SLC7A6: variants seen among roughly 807,000 people sequenced by gnomAD.
The protein encoded by SLC7A6 is Y+L amino acid transporter 2.
A neutral mutation model predicts 46.6 loss-of-function variants in SLC7A6; 29 were observed. The observed-to-expected ratio is 0.62, with a 90% CI of 0.46 to 0.85. The LOEUF (loss-of-function observed/expected upper bound fraction) is 0.85, where lower values mean the gene tolerates loss of function less well. Among genes scored for constraint, SLC7A6 ranks in the 40% least tolerant of loss-of-function variants. The probability of loss-of-function intolerance (pLI) is 0.00; values close to 1 mark genes in which losing one functional copy is unlikely to be tolerated. For missense variants in SLC7A6, 527 were observed against 647.6 expected, an observed-to-expected ratio of 0.81 and a Z score of 2.02; for synonymous variants, 276 against 257.3, an observed-to-expected ratio of 1.07 and a Z score of -0.70.
At chr16:68,287,486 G>A in intron 3 of SLC7A6, 1 of 1,375,694 alleles carries the variant, frequency 7.3e-7, no homozygotes, top group Non-Finnish European at 9.6e-7. Flanking sequence ...CAGAAATGGT[G>A]CTAGCCATCA....
intron 2 of SLC7A6, among the ~76,000 whole-genome samples, chr16:68,273,542 C>G (rs2042657123): frequency 6.6e-6 from 1 of 152,066 alleles, no homozygotes; most frequent in Non-Finnish European, 1.5e-5. Context: ...CTGGGTCCTT[C>G]ATAGGTAGGT....
chr16:68,294,833 G>A (rs113380153), intron 8 of SLC7A6, 32 bp downstream of exon 8: 1 of 1,461,402 alleles, frequency 6.8e-7, no homozygotes, highest in Non-Finnish European at 9.6e-7. Flanking sequence ...GGGCTCAGGT[G>A]GATCTGTGCA....
chr16:68,297,168 C>T, intron 10 of SLC7A6, 66 bp from the exon 11 acceptor site: 1 of 1,478,574 alleles, frequency 6.8e-7, no homozygotes, highest in African/African-American at 1.4e-5. Flanking sequence ...TACTAGTCAG[C>T]CTTGTTCAGG....
intron 4 of SLC7A6, among the ~76,000 whole-genome samples, chr16:68,289,159 G>T (rs1175095690): frequency 6.6e-6 from 1 of 151,870 alleles, no homozygotes; most frequent in Non-Finnish European, 1.5e-5. Flanking sequence ...CGGGGGTGGT[G>T]GTGGGTGCCT....
chr16:68,282,062 C>T (rs2042837869), intron 3 of SLC7A6, among the ~76,000 whole-genome samples: 1 of 152,150 alleles, frequency 6.6e-6, no homozygotes, highest in South Asian at 2.1e-4. Flanking sequence ...TCCATGCTTT[C>T]CTGCTCTCTT....
chr16:68,301,474 T>C lies in SLC7A6; in HGVS notation c.*4146T>C. On this transcript the variant is annotated 3_prime_UTR_variant, in exon 11 of 11. Transcript: ENST00000219343. Reference sequence around the variant, plus strand: ...AGGCTACTGCAGGAGCCCCTTCTCTTCTCAGAAAGGTCTGTTTTTGTTCCC... The same window carrying C: ...AGGCTACTGCAGGAGCCCCTTCTCTCCTCAGAAAGGTCTGTTTTTGTTCCC... The C allele has an allele frequency of 7.0e-7, 1 of 1,429,546 alleles. No individual in the cohort carries two copies. The highest frequency in any genetic ancestry group is 9.6e-7 in the Non-Finnish European group (1 of 1,038,294). The allele number at this position is 1,429,546 out of a possible 1,614,324, so 88.6% of individuals were successfully genotyped here.
intron 7 of SLC7A6, 151 bp downstream of exon 7, chr16:68,291,812 G>A (rs1390348700): frequency 9.6e-6 from 5 of 523,162 alleles, no homozygotes; most frequent in African/African-American, 2.4e-5. Context: ...TGGTATGTGG[G>A]CATGTACTTG....
intron 1 of SLC7A6, 97 bp from the exon 2 acceptor site, chr16:68,266,496 A>T (rs767443971): frequency 2.6e-5 from 4 of 152,078 alleles, no homozygotes; most frequent in Non-Finnish European, 5.9e-5. Flanking sequence ...TTTCTTGGTT[A>T]ATTAAAAATA....
chr16:68,271,246 G>A (rs539470319), intron 2 of SLC7A6, among the ~76,000 whole-genome samples: 1 of 152,138 alleles, frequency 6.6e-6, no homozygotes, highest in Non-Finnish European at 1.5e-5. Flanking sequence ...TCTGGCCTTG[G>A]TCTCCCAAAA....
chr16:68,265,231 C>A (rs1246195698), intron 1 of SLC7A6, among the ~76,000 whole-genome samples: 1 of 152,182 alleles, frequency 6.6e-6, no homozygotes, highest in African/African-American at 2.4e-5. Flanking sequence ...AACCCGCGTG[C>A]CCCTGGTGAT....
chr16:68,291,290 G>C lies in SLC7A6; in HGVS notation c.876G>C (p.Val292=), dbSNP rs772469295. The C allele has an allele frequency of 3.3e-5, 54 of 1,614,212 alleles. No homozygotes were observed. Among genetic ancestry groups the C allele is most frequent in the Non-Finnish European group, 4.6e-5 (54 of 1,180,034 alleles). The change falls in exon 6 of 11, where the codon GTG becomes GTC. Residue 292 remains valine, a synonymous_variant. Coordinates refer to ENST00000219343, the MANE Select transcript of SLC7A6 (RefSeq NM_003983.6). ...TGACCAATGTGGCCTATTACACAGT[G>C]CTGAACATTTCAGATGTCCTTAGCA... The part of the protein sequence containing the change: ...YILTNVAYYT[V]LNISDVLSSD...
At chr16:68,297,069 G>C (rs2043186508) in intron 10 of SLC7A6, among the ~76,000 whole-genome samples, 165 bp from the exon 11 acceptor site, 1 of 152,210 alleles carries the variant, frequency 6.6e-6, no homozygotes, top group Non-Finnish European at 1.5e-5. Context: ...GTTGGGCATG[G>C]GACAGAGGAT....
chr16:68,267,493 G>T (rs1353240192), intron 2 of SLC7A6, among the ~76,000 whole-genome samples: 4 of 152,118 alleles, frequency 2.6e-5, no homozygotes, highest in African/African-American at 9.7e-5. Context: ...GGGATTACAG[G>T]TGTGAGACAC....
chr16:68,266,186 G>A (rs2042530426), intron 1 of SLC7A6, among the ~76,000 whole-genome samples: 2 of 152,252 alleles, frequency 1.3e-5, no homozygotes, highest in East Asian at 3.9e-4. Context: ...CTTGAACCCG[G>A]GAGGCGGAGG....
intron 3 of SLC7A6, among the ~76,000 whole-genome samples, chr16:68,283,608 A>G (rs13338919): frequency 0.03 from 2,586 of 87,396 alleles, 84 homozygotes; most frequent in African/African-American, 0.1. Context: ...ATAGAGGAAG[A>G]TAACTAGCCA....
At chr16:68,270,811 A>G (rs2042611504) in intron 2 of SLC7A6, among the ~76,000 whole-genome samples, 1 of 150,504 alleles carries the variant, frequency 6.6e-6, no homozygotes, top group African/African-American at 2.4e-5. Flanking sequence ...GGAATGTGCT[A>G]TCCATCCTGA....
At position 68,291,066 on chromosome 16, in the gene SLC7A6, G is replaced by C. The variant is rs1037407644; in HGVS notation, c.795-143G>C. ...GTCTTTCTCAATAGAAAGAACCCAG[G>C]GTCAAGGGGAAGGTGAGCCTCCCTC... On this transcript the variant is annotated intron_variant, in intron 5 of 10. Transcript: ENST00000219343. The C allele has an allele frequency of 1.0e-5, 10 of 981,658 alleles. No homozygotes were observed. The East Asian group carries it at 1.4e-4, about 14-fold the overall frequency. The allele number at this position is 981,658 out of a possible 1,614,324, so 60.8% of individuals were successfully genotyped here. A position where few individuals can be genotyped will look rare whatever the true frequency, so the allele number is the denominator to read the frequency against.
chr16:68,294,545 G>C (rs1167978207), intron 7 of SLC7A6, 160 bp from the exon 8 acceptor site: 2 of 620,106 alleles, frequency 3.2e-6, no homozygotes, highest in Non-Finnish European at 5.8e-6. Context: ...GGGGGGAGCA[G>C]GGAGGTTGGA....
intron 3 of SLC7A6, among the ~76,000 whole-genome samples, chr16:68,275,822 G>T (rs1325386801): frequency 6.6e-6 from 1 of 151,902 alleles, no homozygotes; most frequent in East Asian, 1.9e-4. Flanking sequence ...TTTGTGGTCT[G>T]TGTGACAGGT....
Sources: allele counts gnomAD v4.1 joint callset (sites outside exome capture counted in the v4.1 genomes callset), GRCh38; gene constraint gnomAD v4.1.1; transcripts MANE v1.5; gene names NCBI Gene and HGNC (gene_info 2026-07-23, HGNC 2026-07-21).